Variants in DNAH12 observed in about 807,000 individuals in gnomAD.
The protein encoded by DNAH12 is axonemal beta dynein heavy chain 12.
In DNAH12, 285 loss-of-function variants were observed where a neutral mutation model predicts 371.5. The ratio of observed to expected loss-of-function variants is 0.77; its 90% confidence interval spans 0.70 to 0.85. The LOEUF (loss-of-function observed/expected upper bound fraction) is 0.85. Ranked by LOEUF, DNAH12 falls within the 40% of genes least tolerant of loss-of-function variation. The pLI is 0.00. For synonymous variants in DNAH12, 1,200 were observed against 1,213.0 expected (o/e 0.99, Z 0.22); for missense variants, 3,611 against 3,689.4 (o/e 0.98, Z 0.55).
In DNAH12 at chr3:57,403,449, C is replaced by T. The variant is rs1553679812; in HGVS notation, c.6808G>A (p.Gly2270Arg). ...RICRVLKQSG[G>R]NALLVGLGGS... Reference sequence around the variant, plus strand: ...CCAAGACCAACAAGCAAAGCATTTCCACCAGATTGCTTTAGAACTCGACAT... The same window carrying T: ...CCAAGACCAACAAGCAAAGCATTTCTACCAGATTGCTTTAGAACTCGACAT... Residue 2270 changes from glycine to arginine, a missense_variant, in exon 43 of 74, where the codon GGA becomes AGA. This residue lies in a region of DNAH12 where 2,266 missense variants were observed against 2,236.9 expected (regional missense o/e 1.01). Transcript: ENST00000495027. 2 of 1,551,312 alleles carry T rather than the reference C, an allele frequency of 1.3e-6. No individual in the cohort carries two copies. The highest frequency in any genetic ancestry group is 1.7e-6 in the Non-Finnish European group (2 of 1,146,816).
intron 13 of DNAH12, among the ~76,000 whole-genome samples, chr3:57,481,927 G>A (rs1037621288): frequency 2.0e-5 from 3 of 152,050 alleles, no homozygotes; most frequent in Admixed American, 6.6e-5. Context: ...AATTCAAGAT[G>A]GATTAAAGAC....
intron 2 of DNAH12, among the ~76,000 whole-genome samples, chr3:57,531,497 C>T (rs558105429): frequency 6.6e-6 from 1 of 152,080 alleles, no homozygotes; most frequent in East Asian, 1.9e-4. Context: ...CGTGGTGGCT[C>T]ACGTCTGTAA....
In DNAH12 at chr3:57,503,292, C is replaced by T. The variant is rs2067624037; in HGVS notation, c.1086+724G>A. Among the ~76,000 whole-genome samples the T allele has an allele frequency of 2.0e-5, 3 of 152,016 alleles. No individual in the cohort carries two copies. In the South Asian group the frequency reaches 6.2e-4, roughly 32 times the overall value. On this transcript the variant is annotated intron_variant, in intron 9 of 73. Transcript: ENST00000495027. ...CAAAACAAAACAAAACAAAGAAAAC[C>T]TTAAGTTGGGTTAGTTTTCTATCAT...
chr3:57,550,402 C>T, the DNAH12 span, among the ~76,000 whole-genome samples: 1 of 152,172 alleles, frequency 6.6e-6, no homozygotes, highest in African/African-American at 2.4e-5. Flanking sequence ...TCTCAGTCAA[C>T]TTTGACCACA....
At chr3:57,415,282 T>G in intron 38 of DNAH12, 144 bp downstream of exon 38, 1 of 1,107,062 alleles carries the variant, frequency 9.0e-7, no homozygotes, top group Non-Finnish European at 1.3e-6. Flanking sequence ...TATCATTAAT[T>G]CCAAAAACTT....
chr3:57,507,963 C>A (rs1219557125), intron 7 of DNAH12, 125 bp from the exon 8 acceptor site: 4 of 813,124 alleles, frequency 4.9e-6, no homozygotes, highest in Non-Finnish European at 7.3e-6. Context: ...CTGAGGCAGG[C>A]AGATCACGAG....
intron 8 of DNAH12, among the ~76,000 whole-genome samples, chr3:57,506,528 G>T (rs1332029992): frequency 1.3e-5 from 2 of 151,978 alleles, no homozygotes; most frequent in Non-Finnish European, 2.9e-5. Context: ...CACAACCTCC[G>T]CCTCTCGGTC....
chr3:57,403,690 G>A (rs1483013525), intron 42 of DNAH12, among the ~76,000 whole-genome samples, 189 bp from the exon 43 acceptor site: 1 of 152,132 alleles, frequency 6.6e-6, no homozygotes, highest in African/African-American at 2.4e-5. Flanking sequence ...ATCATTTGAT[G>A]TAGGGGAAAA....
chr3:57,324,379 T>C (rs892931684), intron 62 of DNAH12, among the ~76,000 whole-genome samples: 30 of 152,224 alleles, frequency 2.0e-4, no homozygotes, highest in African/African-American at 7.0e-4. Context: ...TATTGAATTG[T>C]TATATAAATC....
At chr3:57,403,027 T>C (rs1273782087) in intron 43 of DNAH12, among the ~76,000 whole-genome samples, 1 of 152,188 alleles carries the variant, frequency 6.6e-6, no homozygotes, top group East Asian at 1.9e-4. Context: ...CCTTGCTCTG[T>C]TATGTGTCAC....
intron 58 of DNAH12, among the ~76,000 whole-genome samples, chr3:57,361,846 A>C (rs947933880): frequency 3.3e-5 from 5 of 151,902 alleles, no homozygotes; most frequent in African/African-American, 1.2e-4. Context: ...TTACCTGTTC[A>C]ATAATAATAC....
At chr3:57,456,356 A>T (rs1047950542) in intron 22 of DNAH12, among the ~76,000 whole-genome samples, 1 of 152,228 alleles carries the variant, frequency 6.6e-6, no homozygotes, top group Non-Finnish European at 1.5e-5. Flanking sequence ...ACTCACTCAC[A>T]TATAGTGAGT....
chr3:57,357,117 A>C (rs1311755667), intron 59 of DNAH12, 59 bp downstream of exon 59: 1 of 152,150 alleles, frequency 6.6e-6, no homozygotes, highest in Non-Finnish European at 1.5e-5. Flanking sequence ...ATTTTTTTAA[A>C]TGGAAAGGGC....
chr3:57,451,058 C>T (rs1445115595), intron 25 of DNAH12, among the ~76,000 whole-genome samples: 2 of 152,238 alleles, frequency 1.3e-5, no homozygotes, highest in Non-Finnish European at 2.9e-5. Context: ...GAGCAGGCTA[C>T]AACTGTACAT....
chr3:57,316,567 G>T (rs929728537), intron 65 of DNAH12, among the ~76,000 whole-genome samples: 1 of 152,056 alleles, frequency 6.6e-6, no homozygotes, highest in Admixed American at 6.6e-5. Context: ...TGAGCTGTAC[G>T]ACTGATATCG....
At chr3:57,375,039 T>C (rs1270867431) in intron 55 of DNAH12, among the ~76,000 whole-genome samples, 1 of 152,120 alleles carries the variant, frequency 6.6e-6, no homozygotes, top group African/African-American at 2.4e-5. Flanking sequence ...TGGTATGGTT[T>C]TGTGTATTTC....
At chr3:57,294,287 T>C (rs1328513460) in intron 73 of DNAH12, among the ~76,000 whole-genome samples, 1 of 151,708 alleles carries the variant, frequency 6.6e-6, no homozygotes, top group East Asian at 1.9e-4. Context: ...AGCGATTCTC[T>C]TGTCTCAGCC....
chr3:57,437,929 C>G (rs1469220960), intron 29 of DNAH12, among the ~76,000 whole-genome samples: 1 of 152,122 alleles, frequency 6.6e-6, no homozygotes, highest in Non-Finnish European at 1.5e-5. Flanking sequence ...AAAACTCTGA[C>G]TTAGGTCAAC....
At chr3:57,500,114 C>T (rs987403140) in intron 11 of DNAH12, among the ~76,000 whole-genome samples, 1 of 151,126 alleles carries the variant, frequency 6.6e-6, no homozygotes, top group Non-Finnish European at 1.5e-5. Context: ...GAGCTCCGCT[C>T]ACTGCAACCT....
Sources: allele counts gnomAD v4.1 joint callset (sites outside exome capture counted in the v4.1 genomes callset), GRCh38; gene constraint gnomAD v4.1.1; regional missense constraint gnomAD v4.1.1; transcripts MANE v1.5; gene names NCBI Gene and HGNC (gene_info 2026-07-23, HGNC 2026-07-21).